The following NFKBIL1 variants were observed in gnomAD, a reference collection of about 807,000 sequenced individuals.
The protein encoded by NFKBIL1 is NFKB inhibitor like 1.
NFKBIL1 carries 30 observed loss-of-function variants against 45.4 expected under a neutral mutation model. The observed-to-expected ratio is 0.66, with a 90% CI of 0.49 to 0.90. NFKBIL1 has a LOEUF of 0.90. Among genes scored for constraint, NFKBIL1 ranks in the 40% least tolerant of loss-of-function variants. NFKBIL1 has a pLI of 0.00. For synonymous variants in NFKBIL1, 179 were observed against 197.3 expected (o/e 0.91, Z 0.78); for missense variants, 434 against 513.4 (o/e 0.85, Z 1.49).
chr6:31,549,311 G>T (rs9267489), intron 2 of NFKBIL1, among the ~76,000 whole-genome samples: 3,653 of 151,966 alleles, frequency 0.024, 65 homozygotes, highest in African/African-American at 0.031. Flanking sequence ...GAATGCAATG[G>T]TGCGATCCTG....
Position 31,557,485 on chromosome 6 carries a change from T to G in NFKBIL1, c.335-143T>G. 1.9e-6 allele frequency: 1 copy of G among 515,902 alleles called. No individual in the cohort carries two copies. Among genetic ancestry groups the G allele is most frequent in the Non-Finnish European group, 3.3e-6 (1 of 299,858 alleles). 32.0% of individuals were successfully genotyped at this position (515,902 alleles called of 1,614,324 possible). On this transcript the variant is annotated intron_variant, in intron 2 of 3. Coordinates refer to ENST00000376148, the MANE Select transcript of NFKBIL1 (RefSeq NM_005007.4). The surrounding 1 kb of genome is among the most constrained non-coding windows in gnomAD (Gnocchi z 5.4). ...GTATTTATCAGTGATGGTTATTTCC[T>G]AATACCCAGGAGGCATCCATGTGAG...
intron 2 of NFKBIL1, among the ~76,000 whole-genome samples, chr6:31,554,752 A>G (rs1197042819): frequency 6.6e-6 from 1 of 152,256 alleles, no homozygotes; most frequent in Non-Finnish European, 1.5e-5. Flanking sequence ...TTTGACTCAG[A>G]AATTCCACTT....
At chr6:31,555,887 T>C (rs1769709350) in intron 2 of NFKBIL1, among the ~76,000 whole-genome samples, 1 of 142,796 alleles carries the variant, frequency 7.0e-6, no homozygotes, top group African/African-American at 2.6e-5. Context: ...CTCCTGACCT[T>C]GTGATCCATT....
chr6:31,551,188 A>G (rs547901164), intron 2 of NFKBIL1, among the ~76,000 whole-genome samples: 49 of 152,140 alleles, frequency 3.2e-4, no homozygotes, highest in African/African-American at 1.2e-3. Flanking sequence ...CACCATGCCC[A>G]GCTAATTGTT....
At chr6:31,551,091 A>G (rs1327813567) in intron 2 of NFKBIL1, among the ~76,000 whole-genome samples, 4 of 152,076 alleles carry the variant, frequency 2.6e-5, no homozygotes, top group Admixed American at 6.5e-5. Flanking sequence ...CAGTGGTGCA[A>G]TCATGGCTCA....
chr6:31,555,612 T>TA (rs1769687523), intron 2 of NFKBIL1, among the ~76,000 whole-genome samples: 1 of 128,956 alleles, frequency 7.8e-6, no homozygotes, highest in South Asian at 2.7e-4. Context: ...TCTCTCTCTT[T>TA]TTTTTTTTTT....
chr6:31,549,199 A>G (rs1377982386), intron 2 of NFKBIL1, among the ~76,000 whole-genome samples: 1 of 152,146 alleles, frequency 6.6e-6, no homozygotes, highest in Non-Finnish European at 1.5e-5. Flanking sequence ...CCTGGCACAC[A>G]CGATAAGCAC....
intron 2 of NFKBIL1, among the ~76,000 whole-genome samples, chr6:31,555,937 G>T (rs1769716083): frequency 6.6e-6 from 1 of 151,218 alleles, no homozygotes; most frequent in South Asian, 2.1e-4. Context: ...GGGATTACAG[G>T]CGTGAGCCAC....
intron 2 of NFKBIL1, among the ~76,000 whole-genome samples, 158 bp downstream of exon 2, chr6:31,548,597 A>G (rs1769255023): frequency 6.6e-6 from 1 of 152,258 alleles, no homozygotes; most frequent in Admixed American, 6.5e-5. Flanking sequence ...CCTTTACATT[A>G]CTGAGCTACC....
Position 31,557,636 on chromosome 6 carries a change from G to C in NFKBIL1, c.343G>C (p.Asp115His). The C allele has an allele frequency of 2.0e-6, 3 of 1,529,694 alleles. No individual in the cohort carries two copies. Among genetic ancestry groups the C allele is most frequent in the Non-Finnish European group, 2.6e-6 (3 of 1,133,390 alleles). The allele number at this position is 1,529,694 out of a possible 1,614,324, so 94.8% of individuals were successfully genotyped here. A position where few individuals can be genotyped will look rare whatever the true frequency, so the allele number is the denominator to read the frequency against. Reference protein sequence around the residue: ...AARQGPDAYTDFFLPLLSRCP... With the variant: ...AARQGPDAYTHFFLPLLSRCP... ...TGCTCTCCCACCAACAGCCTACACC[G>C]ATTTCTTCCTCCCGCTGCTAAGCCG... Residue 115 changes from aspartate (D) to histidine (H), a missense_variant, in exon 3 of 4, where the codon GAT becomes CAT. By Grantham distance (81) the Asp-to-His change is moderately conservative. Around this residue, in one of 4 missense-constraint regions of NFKBIL1, gnomAD observed 231 missense variants for 264.1 expected, o/e 0.87. Transcript: ENST00000376148. This position sits in a 1 kb window ranked among gnomAD's most constrained non-coding sequence, Gnocchi z 5.4.
intron 1 of NFKBIL1, 25 bp downstream of exon 1, chr6:31,547,776 C>A: frequency 1.3e-6 from 2 of 1,576,570 alleles, no homozygotes; most frequent in Non-Finnish European, 1.7e-6. Context: ...ATTTCTAGAT[C>A]ATTATTGGAG....
At chr6:31,555,575 T>C (rs2150366275) in intron 2 of NFKBIL1, among the ~76,000 whole-genome samples, 1 of 149,224 alleles carries the variant, frequency 6.7e-6, no homozygotes, top group South Asian at 2.1e-4. Context: ...TCTCTTGTTT[T>C]AGACAGTTAT....
intron 2 of NFKBIL1, among the ~76,000 whole-genome samples, chr6:31,549,808 G>A (rs1394205612): frequency 3.3e-5 from 5 of 152,154 alleles, no homozygotes; most frequent in Admixed American, 2.6e-4. Flanking sequence ...AATATAGAGT[G>A]AGTGTACTTT....
intron 1 of NFKBIL1, 41 bp downstream of exon 1, chr6:31,547,792 C>T (rs1156913877): frequency 6.6e-7 from 1 of 1,518,308 alleles, no homozygotes. Flanking sequence ...TGGAGATTAT[C>T]TGTGACTTTT....
In NFKBIL1 at chr6:31,548,270, A is replaced by G; in HGVS notation, c.165A>G (p.Arg55=). 6.2e-7 allele frequency: 1 copy of G among 1,612,816 alleles called. No individual in the cohort carries two copies. Among genetic ancestry groups the G allele is most frequent in the South Asian group, 1.1e-5 (1 of 91,068 alleles). The change falls in exon 2 of 4, where the codon CGA becomes CGG. Residue 55 remains arginine, a synonymous_variant. Transcript: ENST00000376148. ...TCCGGGCCCAGGCCCTCCTCCAGCG[A>G]CACCCAGGCCTCGATGTAGATGCTG... ...RLVRAQALLQ[R]HPGLDVDAGQ...
upstream of NFKBIL1, chr6:31,547,515 G>A (rs1769115835): frequency 1.8e-5 from 8 of 455,056 alleles, no homozygotes; most frequent in Admixed American, 1.2e-4. Flanking sequence ...CGGTCGGGGC[G>A]GAACGACATC....
chr6:31,553,079 T>TCAC (rs201536297), intron 2 of NFKBIL1, among the ~76,000 whole-genome samples: 2,168 of 146,716 alleles, frequency 0.015, 24 homozygotes, highest in Non-Finnish European at 0.019. Flanking sequence ...TCTCGCTGTG[T>TCAC]CACCCAGGCT....
At chr6:31,550,130 G>C (rs1400118904) in intron 2 of NFKBIL1, among the ~76,000 whole-genome samples, 1 of 151,600 alleles carries the variant, frequency 6.6e-6, no homozygotes, top group Non-Finnish European at 1.5e-5. Context: ...GAACCCGGAA[G>C]ACAGAGGTTG....
intron 2 of NFKBIL1, among the ~76,000 whole-genome samples, chr6:31,553,373 T>G (rs1769546100): frequency 6.6e-6 from 1 of 151,968 alleles, no homozygotes; most frequent in Admixed American, 6.6e-5. Flanking sequence ...TTGGAACATT[T>G]GGCTCATCTA....
Sources: allele counts gnomAD v4.1 joint callset (sites outside exome capture counted in the v4.1 genomes callset), GRCh38; gene constraint gnomAD v4.1.1; regional missense constraint gnomAD v4.1.1; non-coding constraint Gnocchi (gnomAD v3.1); transcripts MANE v1.5; gene names NCBI Gene and HGNC (gene_info 2026-07-23, HGNC 2026-07-21).